Variants in GALNTL6 observed in about 807,000 individuals in gnomAD.
The protein encoded by GALNTL6 is polypeptide N-acetylgalactosaminyltransferase like 6.
GALNTL6 carries 46 observed loss-of-function variants against 73.7 expected under a neutral mutation model. The ratio of observed to expected loss-of-function variants is 0.62; its 90% CI spans 0.49 to 0.80. The LOEUF is 0.80. Among genes scored for constraint, GALNTL6 ranks in the 30% least tolerant of loss-of-function variants. The probability of loss-of-function intolerance (pLI) is 0.00; values close to 1 mark genes in which losing one functional copy is unlikely to be tolerated. For synonymous variants in GALNTL6, 259 were observed against 263.7 expected (o/e 0.98, Z 0.17); for missense variants, 604 against 755.0 (o/e 0.80, Z 2.34).
At chr4:172,656,138 G>A (rs564046015) in intron 5 of GALNTL6, among the ~76,000 whole-genome samples, 40 of 152,254 alleles carry the variant, frequency 2.6e-4, no homozygotes, top group African/African-American at 9.4e-4. Context: ...TGAAAGTCAC[G>A]TGGCAAGGAG....
intron 5 of GALNTL6, among the ~76,000 whole-genome samples, chr4:172,753,444 T>G (rs1737549065): frequency 6.6e-6 from 1 of 152,246 alleles, no homozygotes; most frequent in Admixed American, 6.5e-5. Context: ...ATTTTCAAAG[T>G]GTTATGTAAA....
intron 10 of GALNTL6, among the ~76,000 whole-genome samples, chr4:172,962,744 G>A (rs1750141085): frequency 2.6e-5 from 4 of 151,910 alleles, no homozygotes; most frequent in African/African-American, 9.7e-5. Flanking sequence ...CCTGATTCTG[G>A]GTAAACAATG....
intron 10 of GALNTL6, among the ~76,000 whole-genome samples, chr4:172,975,360 T>C (rs1414454498): frequency 1.3e-5 from 2 of 151,802 alleles, no homozygotes; most frequent in Non-Finnish European, 2.9e-5. Flanking sequence ...GAGACCAGAA[T>C]TGGGTAGCTC....
At chr4:172,590,041 T>C (rs776221842) in intron 5 of GALNTL6, among the ~76,000 whole-genome samples, 1 of 152,214 alleles carries the variant, frequency 6.6e-6, no homozygotes, top group Non-Finnish European at 1.5e-5. Flanking sequence ...TCTTTACTAT[T>C]ACTTGTTAAT....
chr4:172,359,898 A>G (rs189271510), intron 5 of GALNTL6, among the ~76,000 whole-genome samples: 223 of 152,300 alleles, frequency 1.5e-3, no homozygotes, highest in African/African-American at 5.1e-3. Flanking sequence ...AGTCCAAAAG[A>G]TGCCCTGACA....
chr4:172,735,446 A>T (rs1369396072), intron 5 of GALNTL6, among the ~76,000 whole-genome samples: 1 of 152,074 alleles, frequency 6.6e-6, no homozygotes, highest in Non-Finnish European at 1.5e-5. Context: ...CTATACCCCC[A>T]TTGTATCTAG....
At chr4:172,951,162 T>C (rs13150573) in intron 9 of GALNTL6, among the ~76,000 whole-genome samples, 80,393 of 152,058 alleles carry the variant, frequency 0.53, 21,391 homozygotes, top group South Asian at 0.58. Flanking sequence ...CTATTTGTGG[T>C]ACCTATTATG....
intron 3 of GALNTL6, among the ~76,000 whole-genome samples, chr4:172,290,349 G>A (rs1739421659): frequency 6.6e-6 from 1 of 152,146 alleles, no homozygotes; most frequent in African/African-American, 2.4e-5. Flanking sequence ...CAAAAAAAGA[G>A]TATCAACATT....
chr4:172,563,903 A>G, intron 5 of GALNTL6, among the ~76,000 whole-genome samples: 1 of 152,194 alleles, frequency 6.6e-6, no homozygotes. Context: ...TAGTTCTCAA[A>G]TGATAAGAGA....
intron 3 of GALNTL6, among the ~76,000 whole-genome samples, chr4:172,276,135 A>G (rs1356955392): frequency 6.6e-6 from 1 of 152,220 alleles, no homozygotes; most frequent in East Asian, 1.9e-4. Flanking sequence ...AGGCATGGCC[A>G]TGGGAAGTTA....
intron 12 of GALNTL6, among the ~76,000 whole-genome samples, chr4:173,035,277 C>G (rs1753645704): frequency 6.6e-6 from 1 of 151,448 alleles, no homozygotes; most frequent in South Asian, 2.1e-4. Flanking sequence ...CTCCCAGGTT[C>G]AAGCAATTGT....
chr4:171,930,472 A>T (rs1738143565), intron 2 of GALNTL6, among the ~76,000 whole-genome samples: 1 of 152,156 alleles, frequency 6.6e-6, no homozygotes, highest in Non-Finnish European at 1.5e-5. Flanking sequence ...AACACAATAA[A>T]AGCCATATAT....
At chr4:172,085,698 T>C (rs148163184) in intron 2 of GALNTL6, among the ~76,000 whole-genome samples, 2,733 of 151,638 alleles carry the variant, frequency 0.018, 69 homozygotes, top group African/African-American at 0.059. Flanking sequence ...AAAATATAAA[T>C]GTATTTAAAA....
intron 2 of GALNTL6, among the ~76,000 whole-genome samples, chr4:172,184,595 C>A (rs1735359405): frequency 6.6e-6 from 1 of 152,044 alleles, no homozygotes; most frequent in East Asian, 1.9e-4. Flanking sequence ...TTAAAAATAT[C>A]TACTTATACA....
intron 5 of GALNTL6, among the ~76,000 whole-genome samples, chr4:172,650,358 T>C (rs1199236213): frequency 3.3e-5 from 5 of 152,086 alleles, no homozygotes; most frequent in Non-Finnish European, 5.9e-5. Context: ...TAGATAAAAG[T>C]CGCAATGTCA....
In GALNTL6 at chr4:172,953,772, G is replaced by A. The variant is rs1749578712; in HGVS notation, c.1371+1514G>A. Among the ~76,000 whole-genome samples the A allele has an allele frequency of 2.0e-5, 3 of 152,180 alleles. No homozygotes were observed. In the South Asian group the frequency reaches 6.2e-4, roughly 31 times the overall value. ...TGTGTATGTCATCCTGACATTGTCT[G>A]CTTAATTCAAGTTATTAATTTGGTC... On this transcript the variant is annotated intron_variant, in intron 10 of 12. Coordinates refer to ENST00000506823, the MANE Select transcript of GALNTL6 (RefSeq NM_001034845.3).
chr4:172,790,130 A>C (rs1739912113), intron 5 of GALNTL6, among the ~76,000 whole-genome samples: 1 of 152,228 alleles, frequency 6.6e-6, no homozygotes, highest in African/African-American at 2.4e-5. Flanking sequence ...AGACAGGTGA[A>C]GGTTATTCAT....
chr4:173,006,010 G>T (rs1194824171), intron 10 of GALNTL6, among the ~76,000 whole-genome samples: 1 of 152,158 alleles, frequency 6.6e-6, no homozygotes, highest in Non-Finnish European at 1.5e-5. Context: ...AGGCTTTGGT[G>T]CATATCCACA....
At chr4:172,165,326 A>G (rs1734588239) in intron 2 of GALNTL6, among the ~76,000 whole-genome samples, 1 of 152,150 alleles carries the variant, frequency 6.6e-6, no homozygotes, top group Non-Finnish European at 1.5e-5. Flanking sequence ...TGAAACTCAG[A>G]GAAGTAGAAA....
Sources: allele counts gnomAD v4.1 joint callset (sites outside exome capture counted in the v4.1 genomes callset), GRCh38; gene constraint gnomAD v4.1.1; transcripts MANE v1.5; gene names NCBI Gene and HGNC (gene_info 2026-07-23, HGNC 2026-07-21).